TUBGCP5: variants seen among roughly 807,000 people sequenced by gnomAD.
The protein encoded by TUBGCP5 is gamma-tubulin complex component 5.
In TUBGCP5, 98 loss-of-function variants were observed where a neutral mutation model predicts 134.7. That is an observed-to-expected ratio of 0.73 (90% CI 0.62 to 0.86). The LOEUF (loss-of-function observed/expected upper bound fraction) is 0.86. Among genes scored for constraint, TUBGCP5 ranks in the 40% least tolerant of loss-of-function variants. The pLI is 0.00. For missense variants in TUBGCP5, 1,150 were observed against 1,244.8 expected, an observed-to-expected ratio of 0.92 and a Z score of 1.15; for synonymous variants, 456 against 431.4, an observed-to-expected ratio of 1.06 and a Z score of -0.71.
downstream of TUBGCP5, among the ~76,000 whole-genome samples, chr15:22,996,074 T>C (rs1254294691): frequency 6.6e-6 from 1 of 152,250 alleles, no homozygotes; most frequent in Non-Finnish European, 1.5e-5. Flanking sequence ...AATATTCAGA[T>C]ACAAATCTCT....
chr15:23,018,824 G>T (rs996630924), intron 12 of TUBGCP5, among the ~76,000 whole-genome samples: 1 of 152,036 alleles, frequency 6.6e-6, no homozygotes, highest in Non-Finnish European at 1.5e-5. Flanking sequence ...ATAATTCAGA[G>T]AAATAAATAT....
chr15:22,994,516 T>G (rs117077308), downstream of TUBGCP5, among the ~76,000 whole-genome samples: 88 of 152,304 alleles, frequency 5.8e-4, no homozygotes, highest in East Asian at 0.016. Context: ...ACTCAAGCAG[T>G]TTGAGACTCA....
intron 5 of TUBGCP5, among the ~76,000 whole-genome samples, chr15:23,031,263 A>T (rs1479555426): frequency 6.6e-6 from 1 of 152,140 alleles, no homozygotes; most frequent in Non-Finnish European, 1.5e-5. Flanking sequence ...TTTTGTGGCA[A>T]AAAGTCCCAA....
At chr15:22,986,600 T>G (rs745717433) in intron 23 of TUBGCP5, among the ~76,000 whole-genome samples, 3 of 151,602 alleles carry the variant, frequency 2.0e-5, no homozygotes, top group African/African-American at 4.8e-5. Context: ...TAGCCGGGTG[T>G]GGTGGTGGGT....
intron 6 of TUBGCP5, among the ~76,000 whole-genome samples, chr15:23,028,521 A>G (rs2066112749): frequency 1.3e-5 from 2 of 152,192 alleles, no homozygotes; most frequent in African/African-American, 4.8e-5. Flanking sequence ...TTATTAGGAT[A>G]AAAGAGAAAA....
At chr15:23,026,262 T>C (rs1476463980) in intron 7 of TUBGCP5, 57 bp from the exon 8 acceptor site, 2 of 1,460,884 alleles carry the variant, frequency 1.4e-6, no homozygotes, top group East Asian at 4.6e-5. Flanking sequence ...GTAAATAACT[T>C]ATCTCAAAGA....
downstream of TUBGCP5, among the ~76,000 whole-genome samples, chr15:22,996,615 G>C (rs2064090999): frequency 6.6e-6 from 1 of 152,116 alleles, no homozygotes; most frequent in Admixed American, 6.6e-5. Context: ...CCTTCCCAGA[G>C]TAGGTGGGAC....
chr15:23,035,693 G>A (rs141421756), intron 3 of TUBGCP5, among the ~76,000 whole-genome samples: 4 of 152,244 alleles, frequency 2.6e-5, no homozygotes, highest in Non-Finnish European at 5.9e-5. Flanking sequence ...TCCACCATGT[G>A]GGGGTTGGGG....
intron 8 of TUBGCP5, among the ~76,000 whole-genome samples, chr15:23,025,243 G>A (rs977089322): frequency 1.3e-5 from 2 of 151,986 alleles, no homozygotes; most frequent in Non-Finnish European, 2.9e-5. Context: ...GGGGCAAAAA[G>A]GTCAGATAAT....
intron 11 of TUBGCP5, among the ~76,000 whole-genome samples, chr15:23,020,584 C>CAAAAAAAAAAAAAAAAA (rs542905350): frequency 1.3e-5 from 1 of 76,242 alleles, no homozygotes; most frequent in Non-Finnish European, 2.5e-5. Flanking sequence ...GACTACGTCT[C>CAAAAAAAAAAAAAAAAA]AAAAAAAAAA....
rs2064874857 is a variant in TUBGCP5, at chr15:23,008,872, T to C, written c.2154A>G (p.Glu718=). Reference sequence around the variant, plus strand: ...AAAAATTCCTCATAGCTTGCAAGTATTCTACCAACCTGAATGGAGAGAAAA... The same window carrying C: ...AAAAATTCCTCATAGCTTGCAAGTACTCTACCAACCTGAATGGAGAGAAAA... The part of the protein sequence containing the change: ...QTLKKDYRLV[E]YLQAMRNFFL... Residue 718 remains glutamate (E), a synonymous_variant, in exon 16 of 23, where the codon GAA becomes GAG. Coordinates refer to ENST00000615383, the MANE Select transcript of TUBGCP5 (RefSeq NM_052903.6). 4 of 1,570,422 alleles carry C rather than the reference T, an allele frequency of 2.5e-6. No individual in the cohort carries two copies. Among genetic ancestry groups the C allele is most frequent in the Non-Finnish European group, 3.4e-6 (4 of 1,165,902 alleles).
chr15:23,024,536 A>G (rs1262101930), intron 9 of TUBGCP5, among the ~76,000 whole-genome samples: 1 of 152,216 alleles, frequency 6.6e-6, no homozygotes, highest in African/African-American at 2.4e-5. Flanking sequence ...AACAATATTA[A>G]GGAATCCTCT....
chr15:22,990,190 T>A (rs1369054761), intron 23 of TUBGCP5, among the ~76,000 whole-genome samples: 1 of 152,042 alleles, frequency 6.6e-6, no homozygotes, highest in Non-Finnish European at 1.5e-5. Context: ...AGCAATGCCA[T>A]CTTACTGAGA....
rs2064311876 is a variant in TUBGCP5, at chr15:23,000,562, T to C, written c.3028+7A>G. 9 of 1,611,272 alleles carry C rather than the reference T, an allele frequency of 5.6e-6. No homozygotes were observed. Among genetic ancestry groups the C allele is most frequent in the Non-Finnish European group, 6.8e-6 (8 of 1,178,710 alleles). On this transcript the variant is annotated splice_region_variant and intron_variant, in intron 22 of 22. Transcript: ENST00000615383. ...GAGGTAGAAATATTTTAACATGATA[T>C]ACTCACAATGGGGAAAGGATCCTCT...
At position 23,019,655 on chromosome 15, in the gene TUBGCP5, G is replaced by T. The variant is rs532569123; in HGVS notation, c.1372-321C>A. On this transcript the variant is annotated intron_variant, in intron 11 of 22. Coordinates refer to ENST00000615383, the MANE Select transcript of TUBGCP5 (RefSeq NM_052903.6). ...CTACTAAAAATACAAAAATTAGCTG[G>T]GCATGGTGACACGCGCCTGTAGTCC... 3.9e-5 allele frequency among the ~76,000 whole-genome samples: 6 copies of T among 151,932 alleles called. No individual in the cohort carries two copies. The South Asian group carries it at 1.3e-3, about 32-fold the overall frequency.
chr15:23,022,506 C>T (rs1432058974), intron 10 of TUBGCP5, among the ~76,000 whole-genome samples: 1 of 152,214 alleles, frequency 6.6e-6, no homozygotes, highest in East Asian at 1.9e-4. Context: ...TCCCAATGGG[C>T]TAATGTTACA....
At chr15:22,986,090 C>T (rs1365907416) in intron 23 of TUBGCP5, among the ~76,000 whole-genome samples, 4 of 137,226 alleles carry the variant, frequency 2.9e-5, no homozygotes, top group Non-Finnish European at 4.7e-5. Context: ...GCCGAGGTCA[C>T]GCCACTGCAC....
Position 23,010,104 on chromosome 15 carries a change from T to C in TUBGCP5, c.1985A>G (p.Glu662Gly). 1 of 1,613,992 alleles carries C rather than the reference T, an allele frequency of 6.2e-7. No individual in the cohort carries two copies. Among genetic ancestry groups the C allele is most frequent in the Non-Finnish European group, 8.5e-7 (1 of 1,179,942 alleles). ...ACATACATCACCACCAGCAAACTTC[T>C]CGTGAAAGTCACTCTGCTCCAAATA... is the stretch of plus-strand genomic sequence containing the variant. ...RMYLEQSDFH[E>G]KFAGGDVCVD... The change falls in exon 15 of 23, where the codon GAG becomes GGG. Residue 662 changes from glutamate to glycine, a missense_variant. Around this residue, in one of 2 missense-constraint regions of TUBGCP5, gnomAD observed 697 missense variants for 850.1 expected, o/e 0.82. Transcript: ENST00000615383.
intron 21 of TUBGCP5, 129 bp downstream of exon 21, chr15:23,002,936 G>T: frequency 4.0e-6 from 3 of 741,836 alleles, no homozygotes; most frequent in Non-Finnish European, 4.2e-6. Context: ...GGCTAGTCTT[G>T]AACTCCTGGG....
Sources: gnomAD v4.1 joint callset for allele counts (sites outside exome capture counted in the v4.1 genomes callset) on GRCh38, gnomAD v4.1.1 for gene constraint, gnomAD v4.1.1 regional missense constraint, MANE v1.5 for transcripts, NCBI Gene and HGNC (gene_info 2026-07-23, HGNC 2026-07-21) for gene names.